Variants in ABHD2 observed in about 807,000 individuals in gnomAD.
ABHD2 encodes monoacylglycerol lipase ABHD2.
Under a neutral mutation model 48.1 loss-of-function variants are expected in ABHD2, and 20 were observed. That is an observed-to-expected ratio of 0.42 (90% CI 0.29 to 0.60). The LOEUF is 0.60. Among genes scored for constraint, ABHD2 ranks in the 20% least tolerant of loss-of-function variants. ABHD2 has a pLI of 0.24. For missense variants in ABHD2, 405 were observed against 550.9 expected (o/e 0.74, Z 2.65); for synonymous variants, 209 against 214.2 (o/e 0.98, Z 0.21).
chr15:89,192,336 C>T (rs1281493639), intron 9 of ABHD2, among the ~76,000 whole-genome samples: 1 of 152,198 alleles, frequency 6.6e-6, no homozygotes, highest in Non-Finnish European at 1.5e-5. Context: ...TTCACTGCCT[C>T]ATTATGGCTG....
chr15:89,201,827 GC>G lies in ABHD2; in HGVS notation c.*6405del. The G allele has an allele frequency of 8.3e-7, 1 of 1,204,622 alleles. No individual in the cohort carries two copies. Among genetic ancestry groups the G allele is most frequent in the African/African-American group, 2.0e-5 (1 of 48,942 alleles). The allele number at this position is 1,204,622 out of a possible 1,614,324, so 74.6% of individuals were successfully genotyped here. A position where few individuals can be genotyped will look rare whatever the true frequency, so the allele number is the denominator to read the frequency against. ...TTGGAGAGACAGCGCAGAGCAGGGG[GC>G]GGCTTGCTCGCTGGGGGCGGGGGAC... is the stretch of plus-strand genomic sequence containing the variant. On this transcript the variant is annotated 3_prime_UTR_variant, in exon 11 of 11. Coordinates refer to ENST00000352732, the MANE Select transcript of ABHD2 (RefSeq NM_152924.5).
intron 5 of ABHD2, among the ~76,000 whole-genome samples, chr15:89,159,269 T>A (rs1234787605): frequency 6.6e-6 from 1 of 151,638 alleles, no homozygotes. Context: ...CCCAGCTACT[T>A]GGGAGCCTGA....
the ABHD2 span, among the ~76,000 whole-genome samples, chr15:89,080,568 A>T: frequency 6.6e-6 from 1 of 152,204 alleles, no homozygotes; most frequent in Non-Finnish European, 1.5e-5. Flanking sequence ...GGAGCAATTC[A>T]TGCCTCCAGG....
intron 3 of ABHD2, among the ~76,000 whole-genome samples, chr15:89,144,103 A>G (rs2050452531): frequency 6.6e-6 from 1 of 152,198 alleles, no homozygotes; most frequent in South Asian, 2.1e-4. Context: ...AGTGCTATTC[A>G]CAATAGCCAA....
rs2051044356 is a variant in ABHD2 at position 89,177,982 on chromosome 15, G to GC, written c.722+1988dup. Among the ~76,000 whole-genome samples the GC allele has an allele frequency of 6.6e-6, 1 of 152,184 alleles. No homozygotes were observed. Among genetic ancestry groups the GC allele is most frequent in the African/African-American group, 2.4e-5 (1 of 41,444 alleles). ...AGCAAGCTAAGGTGTTTGAACTAAG[G>GC]CAAAGAAGGCTCAAGAAGCTAGAAA... is the stretch of plus-strand genomic sequence containing the variant. On this transcript the variant is annotated intron_variant, in intron 6 of 10. Transcript: ENST00000352732. The surrounding 1 kb of genome is among the most constrained non-coding windows in gnomAD (Gnocchi z 5.6).
chr15:89,135,918 T>A (rs1241302592), intron 3 of ABHD2: 2 of 556,652 alleles, frequency 3.6e-6, no homozygotes, highest in African/African-American at 1.9e-5. Flanking sequence ...TGCACTGGGA[T>A]CCTTTAACTT....
At chr15:89,126,698 T>G (rs1443956551) in intron 3 of ABHD2, among the ~76,000 whole-genome samples, 1 of 152,228 alleles carries the variant, frequency 6.6e-6, no homozygotes, top group Non-Finnish European at 1.5e-5. Context: ...GAATTTTTCC[T>G]AAACTCTCAG....
intron 6 of ABHD2, among the ~76,000 whole-genome samples, chr15:89,181,905 G>T (rs2150938237): frequency 6.6e-6 from 1 of 152,224 alleles, no homozygotes; most frequent in Admixed American, 6.5e-5. Flanking sequence ...CTCTTCTGAG[G>T]GATTAAAATC....
chr15:89,041,553 T>A, the ABHD2 span, among the ~76,000 whole-genome samples: 1 of 152,246 alleles, frequency 6.6e-6, no homozygotes, highest in African/African-American at 2.4e-5. Flanking sequence ...AGCCAGACTG[T>A]CCTAGTGTGA....
At chr15:89,138,443 A>G (rs2050350010) in intron 3 of ABHD2, among the ~76,000 whole-genome samples, 1 of 152,172 alleles carries the variant, frequency 6.6e-6, no homozygotes, top group African/African-American at 2.4e-5. Flanking sequence ...TCTCACTGTC[A>G]TCGCTCTCCT....
At chr15:89,136,316 G>A (rs1313729321) in intron 3 of ABHD2, 26 of 466,486 alleles carry the variant, frequency 5.6e-5, no homozygotes, top group Admixed American at 1.2e-4. Context: ...CCATATCTTC[G>A]AATTTTCCTT....
rs945664420 is a variant in ABHD2 at position 89,088,473 on chromosome 15, C to A, written c.-197C>A. 1 of 152,816 alleles carries A rather than the reference C, an allele frequency of 6.5e-6. No homozygotes were observed. Among genetic ancestry groups the A allele is most frequent in the African/African-American group, 2.4e-5 (1 of 41,456 alleles). 9.5% of individuals were successfully genotyped at this position (152,816 alleles called of 1,614,324 possible). ...CGGGAGCTGCACTGGCCAGGGGTTC[C>A]GGCTGTATATCCATGAGCGCCGCTG... On this transcript the variant is annotated 5_prime_UTR_variant, in exon 1 of 11. Transcript: ENST00000352732. The surrounding 1 kb of genome is among the most constrained non-coding windows in gnomAD (Gnocchi z 6.8).
At chr15:89,127,701 A>G (rs1174363743) in intron 3 of ABHD2, among the ~76,000 whole-genome samples, 1 of 93,350 alleles carries the variant, frequency 1.1e-5, no homozygotes, top group Non-Finnish European at 2.1e-5. Flanking sequence ...GAATATATAT[A>G]TATACATATA....
chr15:89,122,606 A>G (rs538800242), intron 3 of ABHD2, among the ~76,000 whole-genome samples: 12 of 152,140 alleles, frequency 7.9e-5, no homozygotes, highest in Non-Finnish European at 1.8e-4. Context: ...ATGGTCTTAA[A>G]TTAAGGCAGG....
At chr15:89,055,259 T>A in the ABHD2 span, among the ~76,000 whole-genome samples, 3 of 152,086 alleles carry the variant, frequency 2.0e-5, no homozygotes, top group Non-Finnish European at 4.4e-5. Flanking sequence ...TTTTAAAGTG[T>A]CTATCTTTTG....
chr15:89,175,791 A>G lies in ABHD2; in HGVS notation c.539-21A>G, dbSNP rs2051001864. On this transcript the variant is annotated intron_variant, in intron 5 of 10. Transcript: ENST00000352732. The surrounding 1 kb of genome is among the most constrained non-coding windows in gnomAD (Gnocchi z 5.7). ...AGGATGCACCTGAAATGATTGAGCA[A>G]TCTCACCCTTTTGCCCACAGGCTGC... 4 of 1,613,676 alleles carry G rather than the reference A, an allele frequency of 2.5e-6. No individual in the cohort carries two copies. The highest frequency in any genetic ancestry group is 1.3e-5 in the African/African-American group (1 of 74,902).
At chr15:89,083,891 A>G (rs1901316104), upstream of ABHD2, among the ~76,000 whole-genome samples, 1 of 152,324 alleles carries the variant, frequency 6.6e-6, no homozygotes, top group East Asian at 1.9e-4. This position sits in a 1 kb window ranked among gnomAD's most constrained non-coding sequence, Gnocchi z 5.1. Context: ...TACCAATAAG[A>G]AGCCAGACAG....
chr15:89,080,230 A>G, the ABHD2 span, among the ~76,000 whole-genome samples: 2 of 152,206 alleles, frequency 1.3e-5, no homozygotes, highest in Admixed American at 1.3e-4. Flanking sequence ...GCAGTGGTGC[A>G]GAGGTTTTGC....
At chr15:89,108,359 G>A (rs544082744) in intron 1 of ABHD2, among the ~76,000 whole-genome samples, 6 of 152,192 alleles carry the variant, frequency 3.9e-5, no homozygotes, top group East Asian at 1.9e-4. Flanking sequence ...CCATCTTCAC[G>A]TGGCCTCCTC....
Sources: gnomAD v4.1 joint callset for allele counts (sites outside exome capture counted in the v4.1 genomes callset) on GRCh38, gnomAD v4.1.1 for gene constraint, Gnocchi (gnomAD v3.1) non-coding constraint, MANE v1.5 for transcripts, NCBI Gene and HGNC (gene_info 2026-07-23, HGNC 2026-07-21) for gene names.